The following ATXN10 variants were observed in gnomAD, a reference collection of about 807,000 sequenced individuals.
ATXN10 encodes the protein ataxin-10.
In ATXN10, 28 loss-of-function variants were observed where a neutral mutation model predicts 52.9. That is an observed-to-expected ratio of 0.53 (90% CI 0.39 to 0.73). The LOEUF (loss-of-function observed/expected upper bound fraction) is 0.73. Ranked by LOEUF, ATXN10 falls within the 30% of genes least tolerant of loss-of-function variation. ATXN10 has a pLI of 0.00. For missense variants in ATXN10, 565 were observed against 577.0 expected (o/e 0.98, Z 0.21); for synonymous variants, 226 against 221.5 (o/e 1.02, Z -0.18).
chr22:45,725,355 G>A (rs1456571931), intron 6 of ATXN10, among the ~76,000 whole-genome samples: 1 of 147,394 alleles, frequency 6.8e-6, no homozygotes, highest in Non-Finnish European at 1.5e-5. Context: ...AGTTTTCCTT[G>A]TAGAGATCTT....
intron 10 of ATXN10, among the ~76,000 whole-genome samples, chr22:45,813,274 G>T (rs1004869940): frequency 1.3e-5 from 2 of 148,978 alleles, no homozygotes; most frequent in Non-Finnish European, 3.0e-5. Flanking sequence ...TATTTGAAGT[G>T]TTTTTTCTTT....
intron 10 of ATXN10, among the ~76,000 whole-genome samples, chr22:45,836,096 G>T (rs1197628542): frequency 2.6e-5 from 4 of 152,156 alleles, no homozygotes; most frequent in Non-Finnish European, 4.4e-5. Flanking sequence ...GAGCCAAAAT[G>T]GGTGGTTTGT....
chr22:45,782,880 A>C (rs761457741), intron 9 of ATXN10, among the ~76,000 whole-genome samples: 7 of 152,236 alleles, frequency 4.6e-5, no homozygotes, highest in Non-Finnish European at 8.8e-5. Flanking sequence ...GTTTTGTCCT[A>C]TGCATATGTA....
rs566662041 is a variant in ATXN10, at chr22:45,728,286, T to C, written c.729-1139T>C. The stretch of plus-strand genomic sequence containing the variant: ...CCTCAATTTATTTTTAAAGATTATA[T>C]ATAAATAAGGGAAAACAGAAATTCT... On this transcript the variant is annotated intron_variant, in intron 6 of 11. Transcript: ENST00000252934. The surrounding 1 kb of genome is among the most constrained non-coding windows in gnomAD (Gnocchi z 4.3). Among the ~76,000 whole-genome samples, 1 of 152,322 alleles carries C rather than the reference T, an allele frequency of 6.6e-6. No homozygotes were observed. The highest frequency in any genetic ancestry group is 1.5e-5 in the Non-Finnish European group (1 of 68,032).
intron 4 of ATXN10, among the ~76,000 whole-genome samples, chr22:45,702,189 G>T (rs181303146): frequency 6.6e-6 from 1 of 152,240 alleles, no homozygotes; most frequent in East Asian, 1.9e-4. Context: ...CAATCAATAT[G>T]TCAGTGACCT....
At position 45,829,312 on chromosome 22, in the gene ATXN10, A is replaced by T. The variant is rs185996412; in HGVS notation, c.1238-13679A>T. ...TGAAAGACTGAAAGCTTTTTCTCTAAGATCGGGAACAAGGCAAGGACGTCC... is the reference window on the plus strand; with the variant it reads ...TGAAAGACTGAAAGCTTTTTCTCTATGATCGGGAACAAGGCAAGGACGTCC... On this transcript the variant is annotated intron_variant, in intron 10 of 11. Coordinates refer to ENST00000252934, the MANE Select transcript of ATXN10 (RefSeq NM_013236.4). Among the ~76,000 whole-genome samples the T allele has an allele frequency of 2.0e-5, 3 of 152,320 alleles. No individual in the cohort carries two copies. In the East Asian group the frequency reaches 5.8e-4, roughly 29 times the overall value.
At chr22:45,716,046 G>A (rs1924430858) in intron 5 of ATXN10, among the ~76,000 whole-genome samples, 1 of 152,108 alleles carries the variant, frequency 6.6e-6, no homozygotes, top group Non-Finnish European at 1.5e-5. Flanking sequence ...GATAGCTTGA[G>A]GCCAGGAGTT....
At position 45,677,893 on chromosome 22, in the gene ATXN10, A is replaced by C. The variant is rs573773138; in HGVS notation, c.116+5714A>C. 6.6e-6 allele frequency: 1 copy of C among 152,322 alleles called. No homozygotes were observed. The highest frequency in any genetic ancestry group is 6.5e-5 in the Admixed American group (1 of 15,304). The allele number at this position is 152,322 out of a possible 1,614,324, so 9.4% of individuals were successfully genotyped here. On this transcript the variant is annotated intron_variant, in intron 1 of 11. Transcript: ENST00000252934. The surrounding 1 kb of genome is among the most constrained non-coding windows in gnomAD (Gnocchi z 4.1). ...GTAAAGTGGTGCTGCTACTATGGAAAATAATTTGGTGGGTCCTCAAAAAGC... is the reference window on the plus strand; with the variant it reads ...GTAAAGTGGTGCTGCTACTATGGAACATAATTTGGTGGGTCCTCAAAAAGC...
chr22:45,738,611 T>G (rs1338353376), intron 7 of ATXN10, 120 bp from the exon 8 acceptor site: 4 of 870,902 alleles, frequency 4.6e-6, no homozygotes, highest in Non-Finnish European at 7.1e-6. Context: ...TCTCTTTGAC[T>G]TATTACAAGC....
intron 1 of ATXN10, chr22:45,676,882 C>G (rs1328979491): frequency 1.3e-5 from 2 of 152,358 alleles, no homozygotes; most frequent in African/African-American, 2.4e-5. Context: ...TGGGCTCAAG[C>G]AATCCTCCTG....
chr22:45,829,108 T>C (rs1000192061), intron 10 of ATXN10, among the ~76,000 whole-genome samples: 4 of 152,122 alleles, frequency 2.6e-5, no homozygotes, highest in African/African-American at 7.2e-5. Flanking sequence ...ATTAATAGAA[T>C]GAAGGGAAAG....
intron 9 of ATXN10, among the ~76,000 whole-genome samples, chr22:45,803,179 G>A (rs1452361146): frequency 3.3e-5 from 5 of 152,194 alleles, no homozygotes; most frequent in Admixed American, 6.5e-5. Context: ...AGGAAACCAA[G>A]TCTTAGGGGT....
rs1224788576 is a variant in ATXN10, at chr22:45,835,486, A to G, written c.1238-7505A>G. ...CCCTCTCCCTTTGCAATTTATGGAA[A>G]GTACATTGTGCCAAGCAAGGACAGT... On this transcript the variant is annotated intron_variant, in intron 10 of 11. Coordinates refer to ENST00000252934, the MANE Select transcript of ATXN10 (RefSeq NM_013236.4). This position sits in a 1 kb window ranked among gnomAD's most constrained non-coding sequence, Gnocchi z 5.0. 6.6e-6 allele frequency among the ~76,000 whole-genome samples: 1 copy of G among 152,214 alleles called. No homozygotes were observed. Among genetic ancestry groups the G allele is most frequent in the Non-Finnish European group, 1.5e-5 (1 of 68,032 alleles).
chr22:45,710,047 C>T (rs1042251227), intron 5 of ATXN10, among the ~76,000 whole-genome samples: 2 of 152,210 alleles, frequency 1.3e-5, no homozygotes, highest in African/African-American at 2.4e-5. Context: ...TTCTGTCTCT[C>T]CTTTTGCCCT....
Position 45,820,356 on chromosome 22 carries a change from G to A in ATXN10, c.1237+13334G>A, listed in dbSNP as rs1003725785. On this transcript the variant is annotated intron_variant, in intron 10 of 11. Transcript: ENST00000252934. The surrounding 1 kb of genome is among the most constrained non-coding windows in gnomAD (Gnocchi z 4.9). ...ATAATACAGGACAGAACGCTAAGGG[G>A]TGGTAGAAGAAAGGATGGCCTACTC... Among the ~76,000 whole-genome samples the A allele has an allele frequency of 6.6e-6, 1 of 152,210 alleles. No individual in the cohort carries two copies. Among genetic ancestry groups the A allele is most frequent in the Non-Finnish European group, 1.5e-5 (1 of 68,040 alleles).
intron 9 of ATXN10, among the ~76,000 whole-genome samples, chr22:45,794,084 A>C (rs116567776): frequency 0.012 from 1,796 of 152,348 alleles, 33 homozygotes; most frequent in African/African-American, 0.041. Context: ...GTTGCTGTGG[A>C]AAGGGGCGGT....
chr22:45,746,607 C>T (rs535726982), intron 9 of ATXN10, among the ~76,000 whole-genome samples: 43 of 152,256 alleles, frequency 2.8e-4, no homozygotes, highest in Middle Eastern at 3.4e-3. Context: ...CCTTGGTGCT[C>T]AGGCAGGGCC....
intron 9 of ATXN10, among the ~76,000 whole-genome samples, chr22:45,749,724 A>C (rs1250469816): frequency 1.3e-5 from 2 of 151,794 alleles, no homozygotes; most frequent in African/African-American, 4.8e-5. Flanking sequence ...ACCATGCCCG[A>C]CTACTAAAAA....
chr22:45,698,241 CAT>C (rs892194323), intron 3 of ATXN10, among the ~76,000 whole-genome samples: 9 of 152,172 alleles, frequency 5.9e-5, no homozygotes, highest in Admixed American at 2.0e-4. Context: ...GCAGCTGAAT[CAT>C]ATGACTTTTC....
Sources: allele counts gnomAD v4.1 joint callset (sites outside exome capture counted in the v4.1 genomes callset), GRCh38; gene constraint gnomAD v4.1.1; non-coding constraint Gnocchi (gnomAD v3.1); transcripts MANE v1.5; gene names NCBI Gene and HGNC (gene_info 2026-07-23, HGNC 2026-07-21).